The following NR2E1 variants were observed in gnomAD, a reference collection of about 807,000 sequenced individuals.
NR2E1 encodes nuclear receptor TLX.
NR2E1 carries 5 observed loss-of-function variants against 43.6 expected under a neutral mutation model. The observed-to-expected ratio is 0.11, with a 90% confidence interval of 0.06 to 0.24. The LOEUF is 0.24. Among genes scored for constraint, NR2E1 ranks in the 10% least tolerant of loss-of-function variants. NR2E1 has a pLI of 1.00. For synonymous variants in NR2E1, 191 were observed against 195.5 expected (o/e 0.98, Z 0.19); for missense variants, 287 against 496.7 (o/e 0.58, Z 4.01).
At chr6:108,183,458 T>A (rs1419587995) in intron 8 of NR2E1, among the ~76,000 whole-genome samples, 1 of 152,198 alleles carries the variant, frequency 6.6e-6, no homozygotes, top group African/African-American at 2.4e-5. Flanking sequence ...CTGGTAGATT[T>A]GAAGTTAGAA....
Position 108,166,535 on chromosome 6 carries a change from G to T in NR2E1, c.-231G>T. The stretch of plus-strand genomic sequence containing the variant: ...ATATCAAGCAGCATTCCCAGCAGCT[G>T]CGGTTTTGCAAGAGCCGGGAAGAAA... On this transcript the variant is annotated 5_prime_UTR_variant, in exon 1 of 9. Transcript: ENST00000368986. The surrounding 1 kb of genome is among the most constrained non-coding windows in gnomAD (Gnocchi z 7.2). 2.0e-6 allele frequency: 1 copy of T among 499,836 alleles called. No individual in the cohort carries two copies. Among genetic ancestry groups the T allele is most frequent in the Non-Finnish European group, 3.5e-6 (1 of 287,744 alleles). The allele number at this position is 499,836 out of a possible 1,614,324, so 31.0% of individuals were successfully genotyped here.
Position 108,166,498 on chromosome 6 carries a change from A to G in NR2E1, c.-268A>G. 1 of 464,304 alleles carries G rather than the reference A, an allele frequency of 2.2e-6. No individual in the cohort carries two copies. The highest frequency in any genetic ancestry group is 3.8e-6 in the Non-Finnish European group (1 of 266,602). 28.8% of individuals were successfully genotyped at this position (464,304 alleles called of 1,614,324 possible). A position where few individuals can be genotyped will look rare whatever the true frequency, so the allele number is the denominator to read the frequency against. The stretch of plus-strand genomic sequence containing the variant: ...TGTCCATCTCTCCATCTGTCTGTCC[A>G]TGTGTGTGTCCATATCAAGCAGCAT... On this transcript the variant is annotated 5_prime_UTR_variant, in exon 1 of 9. It removes an upstream start codon present in the reference 5' UTR. Coordinates refer to ENST00000368986, the MANE Select transcript of NR2E1 (RefSeq NM_003269.5). This position sits in a 1 kb window ranked among gnomAD's most constrained non-coding sequence, Gnocchi z 7.2.
At chr6:108,176,206 G>A in intron 3 of NR2E1, 1 of 457,416 alleles carries the variant, frequency 2.2e-6, no homozygotes, top group Non-Finnish European at 3.9e-6. Flanking sequence ...CCCTGGTGGG[G>A]AGGAGCCCTG....
chr6:108,178,321 C>A, intron 5 of NR2E1, 80 bp downstream of exon 5: 3 of 1,523,710 alleles, frequency 2.0e-6, no homozygotes, highest in Middle Eastern at 2.0e-4. Context: ...CTTCCTCTAT[C>A]CCTGGGTAAA....
At position 108,180,861 on chromosome 6, in the gene NR2E1, T is replaced by C. The variant is rs1773972298; in HGVS notation, c.794T>C (p.Ile265Thr). ...SQKLNKIISEIQALQEVVARF... is the reference protein window; with the variant it reads ...SQKLNKIISETQALQEVVARF... Reference sequence around the variant, plus strand: ...AAGCTGAACAAGATCATATCTGAAATACAGGCTTTACAAGAGGTGGTGGCT... The same window carrying C: ...AAGCTGAACAAGATCATATCTGAAACACAGGCTTTACAAGAGGTGGTGGCT... The change falls in exon 7 of 9, where the codon ATA becomes ACA. Residue 265 changes from isoleucine to threonine, a missense_variant. Ile to Thr is a moderately conservative substitution (Grantham distance 89). This residue lies in a region of NR2E1 where 119 missense variants were observed against 187.0 expected (regional missense o/e 0.64). Transcript: ENST00000368986. The surrounding 1 kb of genome is among the most constrained non-coding windows in gnomAD (Gnocchi z 5.4). The C allele has an allele frequency of 1.9e-6, 3 of 1,614,084 alleles. No individual in the cohort carries two copies. The highest frequency in any genetic ancestry group is 2.5e-6 in the Non-Finnish European group (3 of 1,179,922).
At chr6:108,172,504 C>T (rs1273428442) in intron 2 of NR2E1, among the ~76,000 whole-genome samples, 5 of 152,192 alleles carry the variant, frequency 3.3e-5, no homozygotes, top group Non-Finnish European at 1.5e-5. Context: ...CTGATTTTAA[C>T]TAAGGAGATC....
At chr6:108,185,184 G>T (rs947241256) in intron 8 of NR2E1, among the ~76,000 whole-genome samples, 1 of 152,032 alleles carries the variant, frequency 6.6e-6, no homozygotes, top group Non-Finnish European at 1.5e-5. Context: ...TCTAATTATC[G>T]AGGACGTAAG....
At position 108,176,707 on chromosome 6, in the gene NR2E1, C is replaced by T. The variant is rs750926424; in HGVS notation, c.464C>T (p.Thr155Ile). ...AAVSTTPERQ[T>I]LVSLAQPTPK... ...GTGTCCACCACTCCAGAGCGGCAGA[C>T]CCTCGTGAGCCTGGCTCAGCCCACG... is the stretch of plus-strand genomic sequence containing the variant. The change falls in exon 4 of 9, where the codon ACC becomes ATC. Residue 155 changes from threonine (T) to isoleucine (I), a missense_variant. Physicochemically the swap from Thr to Ile is moderately conservative, Grantham distance 89 (BLOSUM62 -1). Around this residue, in one of 4 missense-constraint regions of NR2E1, gnomAD observed 119 missense variants for 155.7 expected, o/e 0.76. Coordinates refer to ENST00000368986, the MANE Select transcript of NR2E1 (RefSeq NM_003269.5). 120 of 1,586,280 alleles carry T rather than the reference C, an allele frequency of 7.6e-5. No individual in the cohort carries two copies. Among genetic ancestry groups the T allele is most frequent in the Non-Finnish European group, 1.5e-5 (18 of 1,171,010 alleles).
rs1341680763 is a variant in NR2E1 at position 108,166,510 on chromosome 6, A to G, written c.-256A>G. ...CATCTGTCTGTCCATGTGTGTGTCCATATCAAGCAGCATTCCCAGCAGCTG... is the reference window on the plus strand; with the variant it reads ...CATCTGTCTGTCCATGTGTGTGTCCGTATCAAGCAGCATTCCCAGCAGCTG... On this transcript the variant is annotated 5_prime_UTR_variant, in exon 1 of 9. Coordinates refer to ENST00000368986, the MANE Select transcript of NR2E1 (RefSeq NM_003269.5). This position sits in a 1 kb window ranked among gnomAD's most constrained non-coding sequence, Gnocchi z 7.2. 1.0e-5 allele frequency: 5 copies of G among 485,964 alleles called. No homozygotes were observed. Among genetic ancestry groups the G allele is most frequent in the Non-Finnish European group, 1.8e-5 (5 of 279,144 alleles). 30.1% of individuals were successfully genotyped at this position (485,964 alleles called of 1,614,324 possible).
At position 108,166,916 on chromosome 6, in the gene NR2E1, T is replaced by A. The variant is rs147559741; in HGVS notation, c.25+126T>A. 2.0e-3 allele frequency: 2,078 copies of A among 1,037,894 alleles called. 22 individuals carry two copies. In the African/African-American group the frequency reaches 0.028, roughly 14 times the overall value. The allele number at this position is 1,037,894 out of a possible 1,614,324, so 64.3% of individuals were successfully genotyped here. ...CCCCTGAGAGGGATTCCAGCGGGCG[T>A]GTGCGTTCGGCCCAGACCTGTAGAC... is the stretch of plus-strand genomic sequence containing the variant. On this transcript the variant is annotated intron_variant, in intron 1 of 8. Coordinates refer to ENST00000368986, the MANE Select transcript of NR2E1 (RefSeq NM_003269.5). The surrounding 1 kb of genome is among the most constrained non-coding windows in gnomAD (Gnocchi z 7.2).
At chr6:108,177,958 T>C in intron 4 of NR2E1, 137 bp from the exon 5 acceptor site, 1 of 900,958 alleles carries the variant, frequency 1.1e-6, no homozygotes, top group Non-Finnish European at 1.8e-6. Context: ...CCCACCAATG[T>C]CAACTGCATG....
intron 5 of NR2E1, 78 bp downstream of exon 5, chr6:108,178,319 A>G (rs1389247481): frequency 3.3e-6 from 5 of 1,526,026 alleles, no homozygotes; most frequent in African/African-American, 1.4e-5. Flanking sequence ...AACTTCCTCT[A>G]TCCCTGGGTA....
intron 4 of NR2E1, among the ~76,000 whole-genome samples, chr6:108,177,795 T>G (rs1168922029): frequency 6.6e-6 from 1 of 152,214 alleles, no homozygotes; most frequent in Non-Finnish European, 1.5e-5. Flanking sequence ...GAGCCAGGCT[T>G]GGCACTTGGC....
At chr6:108,177,491 C>T (rs1773918994) in intron 4 of NR2E1, among the ~76,000 whole-genome samples, 1 of 152,220 alleles carries the variant, frequency 6.6e-6, no homozygotes, top group South Asian at 2.1e-4. Context: ...GCTGCAGCCC[C>T]ACACTGCAGG....
chr6:108,185,641 C>G, intron 8 of NR2E1, among the ~76,000 whole-genome samples: 1 of 152,184 alleles, frequency 6.6e-6, no homozygotes, highest in East Asian at 1.9e-4. Context: ...GCTCTTGCCT[C>G]AGCCTCCCAA....
Position 108,183,346 on chromosome 6 carries a change from T to TA in NR2E1, c.995+1709dup, listed in dbSNP as rs112893300. On this transcript the variant is annotated intron_variant, in intron 8 of 8. Transcript: ENST00000368986. Reference sequence around the variant, plus strand: ...CAAGACCCCATCTCCACCAAAAATTTAAAAAAAAAAAAAAGAAGAAGTGTA... The same window carrying TA: ...CAAGACCCCATCTCCACCAAAAATTTAAAAAAAAAAAAAAAGAAGAAGTGTA... 3.8e-3 allele frequency among the ~76,000 whole-genome samples: 549 copies of TA among 144,978 alleles called. 17 individuals carry two copies. In the East Asian group the frequency reaches 0.087, roughly 23 times the overall value.
intron 1 of NR2E1, among the ~76,000 whole-genome samples, chr6:108,167,494 C>T (rs1562400848): frequency 6.6e-6 from 1 of 152,186 alleles, no homozygotes; most frequent in Non-Finnish European, 1.5e-5. Context: ...CGCCAGGCCG[C>T]AGCTGACCTC....
intron 1 of NR2E1, among the ~76,000 whole-genome samples, chr6:108,171,131 G>A (rs534475149): frequency 9.9e-5 from 15 of 152,246 alleles, no homozygotes; most frequent in Admixed American, 8.5e-4. Context: ...AACTTTCCGC[G>A]GAGCAGAAAG....
chr6:108,177,892 T>TC (rs1384931555), intron 4 of NR2E1, among the ~76,000 whole-genome samples: 2 of 152,144 alleles, frequency 1.3e-5, no homozygotes, highest in Non-Finnish European at 2.9e-5. Context: ...GAAATGGACC[T>TC]CCCCCAACCA....
Sources: allele counts gnomAD v4.1 joint callset (sites outside exome capture counted in the v4.1 genomes callset), GRCh38; gene constraint gnomAD v4.1.1; regional missense constraint gnomAD v4.1.1; non-coding constraint Gnocchi (gnomAD v3.1); transcripts MANE v1.5; gene names NCBI Gene and HGNC (gene_info 2026-07-23, HGNC 2026-07-21).